The following RPAP3 variants were observed in gnomAD, a reference collection of about 807,000 sequenced individuals.
RPAP3 encodes RNA polymerase II-associated protein 3.
A neutral mutation model predicts 88.8 loss-of-function variants in RPAP3; 58 were observed. The ratio of observed to expected loss-of-function variants is 0.65; its 90% CI spans 0.53 to 0.81. The LOEUF (loss-of-function observed/expected upper bound fraction) is 0.81, where lower values mean the gene tolerates loss of function less well. Ranked by LOEUF, RPAP3 falls within the 40% of genes least tolerant of loss-of-function variation. RPAP3 has a pLI of 0.00. For synonymous variants in RPAP3, 255 were observed against 259.9 expected (o/e 0.98, Z 0.18); for missense variants, 751 against 764.3 (o/e 0.98, Z 0.20).
intron 6 of RPAP3, among the ~76,000 whole-genome samples, chr12:47,690,041 C>CA (rs573336232): frequency 0.017 from 961 of 56,246 alleles, 8 homozygotes; most frequent in African/African-American, 0.045. Context: ...GACTCTGTCT[C>CA]AAAAAAAAAA....
chr12:47,696,312 G>A lies in RPAP3; in HGVS notation c.509C>T (p.Pro170Leu), dbSNP rs751001324. 8.9e-6 allele frequency: 14 copies of A among 1,581,916 alleles called. No homozygotes were observed. The highest frequency in any genetic ancestry group is 1.1e-5 in the Non-Finnish European group (13 of 1,164,026). ...AAAATATGCTGACGCTCTGTTCGTT[G>A]GCAACACGGGATTATATGGATCGGC... is the stretch of plus-strand genomic sequence containing the variant. Reference protein sequence around the residue: ...MDADPYNPVLPTNRASAYFRL... With the variant: ...MDADPYNPVLLTNRASAYFRL... Residue 170 changes from proline (P) to leucine (L), a missense_variant, in exon 5 of 17, where the codon CCA (proline) becomes CTA (leucine). Coordinates refer to ENST00000005386, the MANE Select transcript of RPAP3 (RefSeq NM_024604.3).
intron 9 of RPAP3, among the ~76,000 whole-genome samples, chr12:47,685,109 T>C (rs1354871270): frequency 6.6e-6 from 1 of 152,194 alleles, no homozygotes; most frequent in African/African-American, 2.4e-5. Context: ...CCGGGCGCGG[T>C]GGCTCCTGCC....
intron 9 of RPAP3, among the ~76,000 whole-genome samples, chr12:47,685,278 T>C (rs1263866596): frequency 2.0e-5 from 3 of 151,318 alleles, no homozygotes; most frequent in African/African-American, 4.9e-5. Context: ...ACTTGGGAGG[T>C]TGAGGCAGGA....
chr12:47,685,874 C>T (rs1939311892), intron 9 of RPAP3, among the ~76,000 whole-genome samples: 1 of 152,050 alleles, frequency 6.6e-6, no homozygotes, highest in Non-Finnish European at 1.5e-5. Flanking sequence ...TAAAATACAG[C>T]ACTTGCCTGT....
rs750252285 is a variant in RPAP3, at chr12:47,669,093, G to A, written c.1536C>T (p.Ala512=). Residue 512 remains alanine (A), a synonymous_variant, in exon 14 of 17, where the codon GCC becomes GCT. Coordinates refer to ENST00000005386, the MANE Select transcript of RPAP3 (RefSeq NM_024604.3). ...ACTGACATACATCCTGCTTCAAACT[G>A]GCTTGAGGTCTGAAATATTTCAGAG... ...VSDTSSLQPQ[A]SLKQDVCQSY... 2 of 1,611,620 alleles carry A rather than the reference G, an allele frequency of 1.2e-6. No homozygotes were observed. Among genetic ancestry groups the A allele is most frequent in the South Asian group, 2.2e-5 (2 of 90,876 alleles).
intron 10 of RPAP3, among the ~76,000 whole-genome samples, chr12:47,680,831 G>A (rs1255898926): frequency 1.4e-5 from 2 of 144,728 alleles, no homozygotes; most frequent in Admixed American, 1.4e-4. Context: ...ACCACAGCCC[G>A]AAGAGTTTTT....
intron 12 of RPAP3, among the ~76,000 whole-genome samples, chr12:47,675,623 C>G (rs1287504592): frequency 4.6e-5 from 7 of 152,066 alleles, no homozygotes; most frequent in Admixed American, 2.6e-4. Flanking sequence ...GATGTTAAAC[C>G]AACAAAGATC....
At chr12:47,669,336 G>A (rs537417479) in intron 13 of RPAP3, among the ~76,000 whole-genome samples, 2 of 151,994 alleles carry the variant, frequency 1.3e-5, no homozygotes, top group African/African-American at 4.8e-5. Context: ...TCCTCTGCTG[G>A]GCAGCTAACC....
intron 16 of RPAP3, among the ~76,000 whole-genome samples, chr12:47,665,934 A>C (rs1938865733): frequency 6.6e-6 from 1 of 152,150 alleles, no homozygotes; most frequent in Non-Finnish European, 1.5e-5. Context: ...GGCCTAAAAA[A>C]TATATATATC....
chr12:47,677,859 G>T (rs1039396551), intron 12 of RPAP3, among the ~76,000 whole-genome samples: 5 of 152,066 alleles, frequency 3.3e-5, no homozygotes, highest in African/African-American at 9.7e-5. Context: ...TCCCCATCAA[G>T]CTACCAATAA....
rs191198074 is a variant in RPAP3, at chr12:47,703,255, G to C, written c.-6-409C>G. On this transcript the variant is annotated intron_variant, in intron 1 of 16. Coordinates refer to ENST00000005386, the MANE Select transcript of RPAP3 (RefSeq NM_024604.3). ...TTTAGGGATGCAAAAACAAGACAAG[G>C]TCCCTTGTGCAGTGGAGAAGAAAAA... Among the ~76,000 whole-genome samples, 316 of 152,288 alleles carry C rather than the reference G, an allele frequency of 2.1e-3. 2 individuals are homozygous for C. Among genetic ancestry groups the C allele is most frequent in the African/African-American group, 7.5e-3 (311 of 41,550 alleles).
At position 47,667,800 on chromosome 12, in the gene RPAP3, C is replaced by T; in HGVS notation, c.1765G>A (p.Asp589Asn). 1.2e-6 allele frequency: 2 copies of T among 1,608,302 alleles called. No homozygotes were observed. The highest frequency in any genetic ancestry group is 4.5e-5 in the East Asian group (2 of 44,730). ...ATTTTAACGATCTGGTTGAATACAT[C>T]TGGATCCAGATTTTTCTGAAACAAC... Reference protein sequence around the residue: ...PKLFQKNLDPDVFNQIVKILH... With the variant: ...PKLFQKNLDPNVFNQIVKILH... The change falls in exon 15 of 17, where the codon GAT becomes AAT. Residue 589 changes from aspartate (D) to asparagine (N), a missense_variant. By Grantham distance (23) the Asp-to-Asn change is conservative. Transcript: ENST00000005386.
At chr12:47,676,603 A>G (rs1026575757) in intron 12 of RPAP3, among the ~76,000 whole-genome samples, 2 of 152,258 alleles carry the variant, frequency 1.3e-5, no homozygotes, top group African/African-American at 4.8e-5. Context: ...CTACCGTCAG[A>G]GAATACTACA....
At chr12:47,698,336 G>A (rs190764201) in intron 3 of RPAP3, among the ~76,000 whole-genome samples, 106 of 151,788 alleles carry the variant, frequency 7.0e-4, no homozygotes, top group Non-Finnish European at 1.0e-3. Flanking sequence ...ACTGTCTCTC[G>A]GTGTATTCCA....
At chr12:47,698,087 A>T (rs187649770) in intron 3 of RPAP3, among the ~76,000 whole-genome samples, 334 of 152,214 alleles carry the variant, frequency 2.2e-3, no homozygotes, top group Middle Eastern at 3.4e-3. Context: ...TTAAAAAAAA[A>T]TTTTTTTCTT....
At position 47,668,993 on chromosome 12, in the gene RPAP3, G is replaced by A; in HGVS notation, c.1636C>T (p.Pro546Ser). Residue 546 changes from proline to serine, a missense_variant, in exon 14 of 17, where the codon CCT becomes TCT. Pro to Ser is a moderately conservative substitution (Grantham distance 74). Transcript: ENST00000005386. ...QFATTVLPPI[P>S]ANSFQLESDF... is the part of the protein sequence containing the mutation. ...GATTCGAGCTGGAACGAGTTTGCAG[G>A]AATTGGAGGAAGAACAGTTGTGGCA... is the stretch of plus-strand genomic sequence containing the variant. The A allele has an allele frequency of 6.2e-7, 1 of 1,613,950 alleles. No individual in the cohort carries two copies. Among genetic ancestry groups the A allele is most frequent in the Non-Finnish European group, 8.5e-7 (1 of 1,179,892 alleles).
intron 16 of RPAP3, among the ~76,000 whole-genome samples, chr12:47,666,188 G>A (rs188260480): frequency 2.5e-4 from 38 of 152,226 alleles, no homozygotes; most frequent in African/African-American, 8.2e-4. Context: ...CCAAAACTCT[G>A]AGCAACTGAA....
At chr12:47,688,063 C>T in intron 7 of RPAP3, 62 bp from the exon 8 acceptor site, 4 of 1,385,496 alleles carry the variant, frequency 2.9e-6, no homozygotes, top group Non-Finnish European at 3.8e-6. Flanking sequence ...ATATATTTGA[C>T]CTTAAAACAT....
At chr12:47,690,457 C>T in intron 6 of RPAP3, 61 bp downstream of exon 6, 1 of 1,397,334 alleles carries the variant, frequency 7.2e-7, no homozygotes, top group Non-Finnish European at 9.6e-7. Context: ...TCAGTATTCT[C>T]CATATAGCAT....
Sources: gnomAD v4.1 joint callset for allele counts (sites outside exome capture counted in the v4.1 genomes callset) on GRCh38, gnomAD v4.1.1 for gene constraint, MANE v1.5 for transcripts, NCBI Gene and HGNC (gene_info 2026-07-23, HGNC 2026-07-21) for gene names.